The following BICC1 variants were observed in gnomAD, a reference collection of about 807,000 sequenced individuals.
The protein encoded by BICC1 is BicC family RNA binding protein 1.
In BICC1, 43 loss-of-function variants were observed where a neutral mutation model predicts 111.0. That is an observed-to-expected ratio of 0.39 (90% CI 0.30 to 0.50). The LOEUF (loss-of-function observed/expected upper bound fraction) is 0.50, where lower values mean the gene tolerates loss of function less well. Ranked by LOEUF, BICC1 falls within the 20% of genes least tolerant of loss-of-function variation. The probability of loss-of-function intolerance (pLI) is 0.88; values close to 1 mark genes in which losing one functional copy is unlikely to be tolerated. For missense variants in BICC1, 1,091 were observed against 1,203.2 expected, an observed-to-expected ratio of 0.91 and a Z score of 1.38; for synonymous variants, 467 against 434.4, an observed-to-expected ratio of 1.07 and a Z score of -0.93.
intron 2 of BICC1, among the ~76,000 whole-genome samples, chr10:58,667,941 A>G (rs555004524): frequency 6.6e-6 from 1 of 152,244 alleles, no homozygotes; most frequent in African/African-American, 2.4e-5. Flanking sequence ...TAAAGCACAT[A>G]TTTATGAAGT....
chr10:58,644,713 G>A (rs1259666622), intron 2 of BICC1, among the ~76,000 whole-genome samples: 5 of 152,036 alleles, frequency 3.3e-5, no homozygotes, highest in Non-Finnish European at 5.9e-5. Flanking sequence ...TTTGGCCAAC[G>A]TTGTCAGGAA....
chr10:58,758,147 G>A (rs927057085), intron 3 of BICC1, among the ~76,000 whole-genome samples: 15 of 152,152 alleles, frequency 9.9e-5, no homozygotes, highest in East Asian at 5.8e-4. Context: ...GTCAGTAGCC[G>A]TCATTAAAAA....
intron 15 of BICC1, among the ~76,000 whole-genome samples, chr10:58,803,690 C>G (rs2132885314): frequency 6.6e-6 from 1 of 152,200 alleles, no homozygotes; most frequent in South Asian, 2.1e-4. Flanking sequence ...TTCTTTGAAA[C>G]TAGATGATGA....
chr10:58,599,826 AAG>A (rs1844966394), intron 1 of BICC1, among the ~76,000 whole-genome samples: 1 of 151,956 alleles, frequency 6.6e-6, no homozygotes. Context: ...AGGGTGATGT[AAG>A]AGAGAGACTT....
chr10:58,712,377 T>C (rs1010803147), intron 3 of BICC1, among the ~76,000 whole-genome samples: 4 of 152,340 alleles, frequency 2.6e-5, no homozygotes, highest in Non-Finnish European at 4.4e-5. Context: ...TGAAAACTTA[T>C]GTCTGCACAA....
At chr10:58,752,965 C>T (rs957563935) in intron 3 of BICC1, among the ~76,000 whole-genome samples, 4 of 151,988 alleles carry the variant, frequency 2.6e-5, no homozygotes, top group Non-Finnish European at 4.4e-5. Context: ...TTATGCTTCC[C>T]ATAAAGAAAA....
chr10:58,768,703 G>A (rs1410538316), intron 3 of BICC1, among the ~76,000 whole-genome samples: 1 of 151,914 alleles, frequency 6.6e-6, no homozygotes, highest in East Asian at 1.9e-4. Context: ...AAAAAAAATG[G>A]GGAGTAAAAG....
chr10:58,686,696 G>A (rs1292915400), intron 2 of BICC1, among the ~76,000 whole-genome samples: 2 of 152,060 alleles, frequency 1.3e-5, no homozygotes, highest in African/African-American at 4.8e-5. Flanking sequence ...TGTAGTTCTT[G>A]TGCCATGGTT....
chr10:58,772,492 A>C (rs1163838454), intron 3 of BICC1, among the ~76,000 whole-genome samples: 1 of 152,206 alleles, frequency 6.6e-6, no homozygotes, highest in Non-Finnish European at 1.5e-5. Context: ...TAATTGTTGA[A>C]AATTTCTGAA....
intron 1 of BICC1, among the ~76,000 whole-genome samples, chr10:58,604,657 A>G (rs539316156): frequency 3.3e-5 from 5 of 152,286 alleles, no homozygotes; most frequent in Non-Finnish European, 5.9e-5. Context: ...CGGGGGAAAA[A>G]ATAAAATAAA....
At chr10:58,536,108 T>G (rs1310273769) in intron 1 of BICC1, among the ~76,000 whole-genome samples, 1 of 151,630 alleles carries the variant, frequency 6.6e-6, no homozygotes, top group Non-Finnish European at 1.5e-5. Flanking sequence ...AGAACAGAGA[T>G]AGACAGAAAC....
chr10:58,521,756 A>G (rs3001712), intron 1 of BICC1, among the ~76,000 whole-genome samples: 139,290 of 143,588 alleles, frequency 0.97, 67,558 homozygotes, highest in East Asian at 1. Context: ...AAAATCAGCC[A>G]GGGAATGTGG....
chr10:58,810,638 A>G (rs1843872642), intron 17 of BICC1, among the ~76,000 whole-genome samples: 2 of 152,068 alleles, frequency 1.3e-5, no homozygotes, highest in African/African-American at 4.8e-5. Flanking sequence ...TATAGCTCAG[A>G]AGGATCAGAA....
At chr10:58,583,131 C>T (rs1276636921) in intron 1 of BICC1, among the ~76,000 whole-genome samples, 4 of 152,082 alleles carry the variant, frequency 2.6e-5, no homozygotes, top group African/African-American at 7.2e-5. Flanking sequence ...TAGATGTCTC[C>T]GAGTTGTTAT....
chr10:58,554,450 G>T (rs1368016479), intron 1 of BICC1, among the ~76,000 whole-genome samples: 4 of 152,088 alleles, frequency 2.6e-5, no homozygotes, highest in African/African-American at 9.7e-5. Flanking sequence ...ACAATATATA[G>T]ATTCTCTTAT....
intron 1 of BICC1, among the ~76,000 whole-genome samples, chr10:58,616,354 T>C (rs1456218784): frequency 6.6e-6 from 1 of 152,190 alleles, no homozygotes; most frequent in Non-Finnish European, 1.5e-5. Flanking sequence ...GAGAGAAAAT[T>C]GATAAACAGC....
intron 16 of BICC1, 43 bp from the exon 17 acceptor site, chr10:58,806,961 T>C: frequency 6.5e-7 from 1 of 1,540,282 alleles, no homozygotes; most frequent in Non-Finnish European, 8.8e-7. Context: ...ATTGAAGAAA[T>C]GCATTAAACA....
intron 1 of BICC1, among the ~76,000 whole-genome samples, chr10:58,551,963 T>TGG (rs1293727167): frequency 2.0e-4 from 21 of 106,848 alleles, no homozygotes; most frequent in Non-Finnish European, 3.6e-4. Flanking sequence ...CAAGTTTTTT[T>TGG]TGGGGGGGGA....
At chr10:58,689,789 C>G (rs1046490901) in intron 2 of BICC1, among the ~76,000 whole-genome samples, 1 of 152,176 alleles carries the variant, frequency 6.6e-6, no homozygotes, top group Admixed American at 6.5e-5. Context: ...CTGACACTTT[C>G]CTCATTTACC....
Sources: gnomAD v4.1 joint callset for allele counts (sites outside exome capture counted in the v4.1 genomes callset) on GRCh38, gnomAD v4.1.1 for gene constraint, MANE v1.5 for transcripts, NCBI Gene and HGNC (gene_info 2026-07-23, HGNC 2026-07-21) for gene names.